DENND1A: variants seen among roughly 807,000 people sequenced by gnomAD.
The protein encoded by DENND1A is DENN domain-containing protein 1A.
DENND1A carries 51 observed loss-of-function variants against 113.7 expected under a neutral mutation model. That is an observed-to-expected ratio of 0.45 (90% confidence interval 0.36 to 0.57). DENND1A has a LOEUF of 0.57. Among genes scored for constraint, DENND1A ranks in the 20% least tolerant of loss-of-function variants. The pLI, the probability that DENND1A is intolerant of heterozygous loss-of-function variation, is 0.00. For synonymous variants in DENND1A, 565 were observed against 570.8 expected (o/e 0.99, Z 0.14); for missense variants, 1,258 against 1,395.9 (o/e 0.90, Z 1.57).
At chr9:123,703,770 C>CA (rs1283676695) in intron 5 of DENND1A, among the ~76,000 whole-genome samples, 2 of 151,902 alleles carry the variant, frequency 1.3e-5, no homozygotes, top group Admixed American at 6.6e-5. Context: ...AGTTAATTGA[C>CA]AATGAAAGAA....
At chr9:123,707,813 G>A (rs1336460403) in intron 5 of DENND1A, among the ~76,000 whole-genome samples, 1 of 152,176 alleles carries the variant, frequency 6.6e-6, no homozygotes, top group Non-Finnish European at 1.5e-5. Flanking sequence ...ATTAGTTCAA[G>A]AGGATGTTTT....
At chr9:123,841,250 A>G (rs185011847) in intron 2 of DENND1A, among the ~76,000 whole-genome samples, 2 of 152,336 alleles carry the variant, frequency 1.3e-5, no homozygotes, top group Non-Finnish European at 2.9e-5. Context: ...AAGTGGATCT[A>G]TCCAAGATGA....
At chr9:123,478,171 C>T (rs892604256) in intron 13 of DENND1A, among the ~76,000 whole-genome samples, 2 of 152,240 alleles carry the variant, frequency 1.3e-5, no homozygotes, top group African/African-American at 2.4e-5. Flanking sequence ...CAAGTAGGAC[C>T]TGACACGGAC....
At chr9:123,602,239 A>T (rs1431815849) in intron 11 of DENND1A, among the ~76,000 whole-genome samples, 1 of 152,258 alleles carries the variant, frequency 6.6e-6, no homozygotes, top group African/African-American at 2.4e-5. Context: ...ATTACTTACA[A>T]TACCTAATAC....
At chr9:123,773,678 T>A (rs1830053449) in intron 3 of DENND1A, among the ~76,000 whole-genome samples, 1 of 152,188 alleles carries the variant, frequency 6.6e-6, no homozygotes, top group Non-Finnish European at 1.5e-5. Context: ...CATTGCTTCA[T>A]TGAAACTTAT....
At chr9:123,465,195 A>T (rs867531429) in intron 13 of DENND1A, among the ~76,000 whole-genome samples, 1 of 151,592 alleles carries the variant, frequency 6.6e-6, no homozygotes, top group Admixed American at 6.6e-5. Flanking sequence ...AAAAGAAAAA[A>T]AAAACATTAA....
chr9:123,922,454 G>T (rs28441318), intron 1 of DENND1A, among the ~76,000 whole-genome samples: 17,838 of 152,138 alleles, frequency 0.12, 1,178 homozygotes, highest in Admixed American at 0.13. Flanking sequence ...TTTGAAGGTT[G>T]ATATAAAAAT....
At chr9:123,920,019 T>C (rs993494468) in intron 1 of DENND1A, among the ~76,000 whole-genome samples, 11 of 152,152 alleles carry the variant, frequency 7.2e-5, no homozygotes, top group African/African-American at 2.7e-4. Flanking sequence ...AATTAAGTGT[T>C]GAAACTGGTT....
chr9:123,810,080 A>G (rs145970060), intron 2 of DENND1A, among the ~76,000 whole-genome samples: 5 of 152,268 alleles, frequency 3.3e-5, no homozygotes, highest in African/African-American at 1.2e-4. Context: ...TTAATGTAAA[A>G]TCTGCATTTC....
chr9:123,672,187 C>A (rs898457885), intron 6 of DENND1A, among the ~76,000 whole-genome samples: 1 of 152,204 alleles, frequency 6.6e-6, no homozygotes, highest in African/African-American at 2.4e-5. Flanking sequence ...GAAATGCAAG[C>A]TCCAGAGCCC....
rs982594255 is a variant in DENND1A, at chr9:123,764,353, C to A, written c.182+5161G>T. 1.3e-5 allele frequency among the ~76,000 whole-genome samples: 2 copies of A among 152,212 alleles called. No homozygotes were observed. Among genetic ancestry groups the A allele is most frequent in the African/African-American group, 4.8e-5 (2 of 41,450 alleles). The stretch of plus-strand genomic sequence containing the variant: ...CAATTATCTGTTGTCCATGGCAGGG[C>A]ACCTAACAGACACTTTTCCTTTCCT... On this transcript the variant is annotated intron_variant, in intron 4 of 23. Coordinates refer to ENST00000394215, the MANE Select transcript of DENND1A (RefSeq NM_001352964.2). The surrounding 1 kb of genome is among the most constrained non-coding windows in gnomAD (Gnocchi z 4.1).
intron 13 of DENND1A, among the ~76,000 whole-genome samples, chr9:123,480,090 C>A (rs1588736119): frequency 6.6e-6 from 1 of 152,192 alleles, no homozygotes; most frequent in Non-Finnish European, 1.5e-5. Context: ...AGACCTTCTG[C>A]CAATGGGCTA....
intron 2 of DENND1A, among the ~76,000 whole-genome samples, chr9:123,837,677 C>T (rs1841239718): frequency 1.3e-5 from 2 of 152,144 alleles, no homozygotes. Flanking sequence ...TCTATCATGG[C>T]AATCTCAACC....
intron 21 of DENND1A, chr9:123,401,946 T>A (rs753991865): frequency 6.2e-7 from 1 of 1,614,196 alleles, no homozygotes; most frequent in South Asian, 1.1e-5. Flanking sequence ...GGTTTACATC[T>A]CAATATCAAC....
At chr9:123,792,662 C>T in intron 2 of DENND1A, 32 bp from the exon 3 acceptor site, 5 of 1,610,406 alleles carry the variant, frequency 3.1e-6, no homozygotes, top group Non-Finnish European at 4.2e-6. Flanking sequence ...TATTAATTGG[C>T]TTTGGATTAG....
At chr9:123,645,303 T>A (rs906728250) in intron 9 of DENND1A, among the ~76,000 whole-genome samples, 3 of 152,168 alleles carry the variant, frequency 2.0e-5, no homozygotes, top group Non-Finnish European at 4.4e-5. Flanking sequence ...TAAGCCTCCA[T>A]CTTATCAAAC....
rs757699820 is a variant in DENND1A at position 123,652,034 on chromosome 9, G to C, written c.597C>G (p.Ile199Met). ...ASMLYERRIL[I>M]ICSKLSTLTA... ...TCACAGTGCTGAGTTTGCTGCAAAT[G>C]ATGAGTATCCGGCGTTCGTACAGCA... is the stretch of plus-strand genomic sequence containing the variant. Residue 199 changes from isoleucine (I) to methionine (M), a missense_variant, in exon 9 of 24, where the codon ATC (isoleucine) becomes ATG (methionine). Coordinates refer to ENST00000394215, the MANE Select transcript of DENND1A (RefSeq NM_001352964.2). The C allele has an allele frequency of 5.0e-6, 8 of 1,614,002 alleles. No homozygotes were observed. Among genetic ancestry groups the C allele is most frequent in the African/African-American group, 2.7e-5 (2 of 74,922 alleles).
At chr9:123,733,108 A>G (rs1334642369) in intron 5 of DENND1A, among the ~76,000 whole-genome samples, 1 of 151,936 alleles carries the variant, frequency 6.6e-6, no homozygotes, top group Non-Finnish European at 1.5e-5. Flanking sequence ...CAGCCTCCCA[A>G]GTAGCTGGGA....
chr9:123,491,464 G>A lies in DENND1A; in HGVS notation c.994-33567C>T, dbSNP rs536878729. Among the ~76,000 whole-genome samples, 10 of 152,308 alleles carry A rather than the reference G, an allele frequency of 6.6e-5. No homozygotes were observed. The South Asian group carries it at 8.3e-4, about 13-fold the overall frequency. On this transcript the variant is annotated intron_variant, in intron 13 of 23. Coordinates refer to ENST00000394215, the MANE Select transcript of DENND1A (RefSeq NM_001352964.2). The stretch of plus-strand genomic sequence containing the variant: ...AGGTAATTCCAGTGGCTGGATACCC[G>A]CATTGTGGGGCCTTACCTTGCACAG...
Sources: gnomAD v4.1 joint callset for allele counts (sites outside exome capture counted in the v4.1 genomes callset) on GRCh38, gnomAD v4.1.1 for gene constraint, Gnocchi (gnomAD v3.1) non-coding constraint, MANE v1.5 for transcripts, NCBI Gene and HGNC (gene_info 2026-07-23, HGNC 2026-07-21) for gene names.